Variants in XRCC4 observed in about 807,000 individuals in gnomAD.
XRCC4 encodes DNA repair protein XRCC4.
XRCC4 carries 28 observed loss-of-function variants against 39.1 expected under a neutral mutation model. The observed-to-expected ratio is 0.72, with a 90% CI of 0.53 to 0.98. The LOEUF (loss-of-function observed/expected upper bound fraction) is 0.98, where lower values mean the gene tolerates loss of function less well. Ranked by LOEUF, XRCC4 falls within the 50% of genes least tolerant of loss-of-function variation. The pLI is 0.00. For missense variants in XRCC4, 350 were observed against 376.4 expected, an observed-to-expected ratio of 0.93 and a Z score of 0.58; for synonymous variants, 123 against 126.4, an observed-to-expected ratio of 0.97 and a Z score of 0.18.
chr5:83,251,406 C>T (rs1753305271), intron 6 of XRCC4, among the ~76,000 whole-genome samples: 1 of 151,622 alleles, frequency 6.6e-6, no homozygotes, highest in Non-Finnish European at 1.5e-5. Context: ...TGCCTGTAAT[C>T]CCAACTACTC....
At chr5:83,266,155 T>G (rs1355284918) in intron 7 of XRCC4, among the ~76,000 whole-genome samples, 3 of 151,802 alleles carry the variant, frequency 2.0e-5, no homozygotes, top group African/African-American at 7.3e-5. Context: ...TGTGTAAATA[T>G]TCACTATACA....
chr5:83,081,113 C>CT (rs1561311011), intron 1 of XRCC4, among the ~76,000 whole-genome samples: 2 of 152,146 alleles, frequency 1.3e-5, no homozygotes, highest in Admixed American at 1.3e-4. Context: ...CTCACGGGGC[C>CT]TTGGGATATA....
At chr5:83,226,763 G>T (rs1288401226) in intron 6 of XRCC4, among the ~76,000 whole-genome samples, 2 of 152,144 alleles carry the variant, frequency 1.3e-5, no homozygotes, top group East Asian at 1.9e-4. Flanking sequence ...AAGTCTTTCA[G>T]TTGGTCTCTG....
intron 3 of XRCC4, among the ~76,000 whole-genome samples, chr5:83,173,790 A>T (rs1031978800): frequency 2.0e-5 from 3 of 152,172 alleles, no homozygotes; most frequent in Non-Finnish European, 2.9e-5. Context: ...TTTCCCTAAA[A>T]TCACCACTTG....
intron 3 of XRCC4, among the ~76,000 whole-genome samples, chr5:83,123,379 T>A (rs962996745): frequency 6.6e-6 from 1 of 152,028 alleles, no homozygotes; most frequent in Non-Finnish European, 1.5e-5. Context: ...GGAATCCACG[T>A]GGAATATTTT....
chr5:83,322,076 C>T (rs143381893), intron 7 of XRCC4, among the ~76,000 whole-genome samples: 9 of 151,432 alleles, frequency 5.9e-5, no homozygotes, highest in African/African-American at 2.2e-4. Context: ...TACTGTTAAG[C>T]TGTTTCTTAT....
chr5:83,230,794 AG>A (rs1752467013), intron 6 of XRCC4, among the ~76,000 whole-genome samples: 1 of 152,036 alleles, frequency 6.6e-6, no homozygotes, highest in African/African-American at 2.4e-5. Flanking sequence ...ATGTTTATGT[AG>A]GGGCCAAAAA....
chr5:83,178,983 T>G (rs573616402), intron 3 of XRCC4, among the ~76,000 whole-genome samples: 1 of 152,176 alleles, frequency 6.6e-6, no homozygotes, highest in East Asian at 1.9e-4. Flanking sequence ...CGTGGCTAGC[T>G]CTTATTTAGC....
chr5:83,279,206 T>C (rs573943297), intron 7 of XRCC4, among the ~76,000 whole-genome samples: 2 of 151,454 alleles, frequency 1.3e-5, no homozygotes, highest in African/African-American at 2.4e-5. Flanking sequence ...AATCAACTTA[T>C]CTTCATCTGT....
intron 3 of XRCC4, among the ~76,000 whole-genome samples, chr5:83,132,639 A>T (rs1747658041): frequency 6.6e-6 from 1 of 151,758 alleles, no homozygotes; most frequent in African/African-American, 2.4e-5. Context: ...TTTGATCTTC[A>T]ATCACTGATA....
intron 7 of XRCC4, among the ~76,000 whole-genome samples, chr5:83,350,092 T>C (rs7729020): frequency 0.11 from 16,156 of 152,218 alleles, 1,636 homozygotes; most frequent in East Asian, 0.57. Flanking sequence ...AGGACATTAT[T>C]TCATTCTTTT....
rs569031279 is a variant in XRCC4, at chr5:83,097,651, A to C, written c.-10-7259A>C. 2.6e-5 allele frequency among the ~76,000 whole-genome samples: 4 copies of C among 152,230 alleles called. No individual in the cohort carries two copies. In the South Asian group the frequency reaches 6.2e-4, roughly 24 times the overall value. Reference sequence around the variant, plus strand: ...AATTGAAATAAGAGAGGTGTCAAAAATTTTGAGGCTTAAGAAATCATAATT... The same window carrying C: ...AATTGAAATAAGAGAGGTGTCAAAACTTTTGAGGCTTAAGAAATCATAATT... On this transcript the variant is annotated intron_variant, in intron 1 of 7. Transcript: ENST00000396027.
chr5:83,315,309 G>C (rs1755841891), intron 7 of XRCC4, among the ~76,000 whole-genome samples: 1 of 152,130 alleles, frequency 6.6e-6, no homozygotes, highest in Non-Finnish European at 1.5e-5. Flanking sequence ...GGTTTAGGAG[G>C]TTTCAGGAAA....
intron 6 of XRCC4, among the ~76,000 whole-genome samples, chr5:83,206,273 A>G (rs926574064): frequency 1.3e-5 from 2 of 152,156 alleles, no homozygotes; most frequent in Non-Finnish European, 2.9e-5. Flanking sequence ...AATTCGGTGA[A>G]GGATGAGGCT....
chr5:83,131,914 C>A (rs1488370082), intron 3 of XRCC4, among the ~76,000 whole-genome samples: 2 of 152,088 alleles, frequency 1.3e-5, no homozygotes, highest in Non-Finnish European at 2.9e-5. Context: ...TGAATTTGAT[C>A]CTGTCATTAT....
intron 1 of XRCC4, among the ~76,000 whole-genome samples, chr5:83,100,648 T>A (rs536444033): frequency 2.3e-4 from 35 of 152,254 alleles, no homozygotes; most frequent in Middle Eastern, 3.4e-3. Context: ...CATCTGTGTA[T>A]GTTTGTATGG....
At chr5:83,220,659 C>T (rs1752046541) in intron 6 of XRCC4, among the ~76,000 whole-genome samples, 1 of 151,982 alleles carries the variant, frequency 6.6e-6, no homozygotes, top group African/African-American at 2.4e-5. Context: ...ATGTGAGACC[C>T]TTAGTGGCAA....
At chr5:83,098,650 C>T (rs1745787412) in intron 1 of XRCC4, among the ~76,000 whole-genome samples, 1 of 151,730 alleles carries the variant, frequency 6.6e-6, no homozygotes, top group Admixed American at 6.6e-5. Context: ...TAAAGGCAAA[C>T]TGACTTTGTG....
intron 7 of XRCC4, among the ~76,000 whole-genome samples, chr5:83,342,534 G>T (rs1308328292): frequency 1.3e-5 from 2 of 152,084 alleles, no homozygotes; most frequent in Non-Finnish European, 2.9e-5. Flanking sequence ...ATTAGAAAAA[G>T]ATATCTTTAG....
Sources: allele counts gnomAD v4.1 joint callset (sites outside exome capture counted in the v4.1 genomes callset), GRCh38; gene constraint gnomAD v4.1.1; transcripts MANE v1.5; gene names NCBI Gene and HGNC (gene_info 2026-07-23, HGNC 2026-07-21).